CDH13: variants seen among roughly 807,000 people sequenced by gnomAD.
The protein encoded by CDH13 is cadherin 13, also known as cadherin-13.
In CDH13, 24 loss-of-function variants were observed where a neutral mutation model predicts 63.8. The ratio of observed to expected loss-of-function variants is 0.38; its 90% confidence interval spans 0.27 to 0.53. The LOEUF (loss-of-function observed/expected upper bound fraction) is 0.53. Among genes scored for constraint, CDH13 ranks in the 20% least tolerant of loss-of-function variants. The pLI, the probability that CDH13 is intolerant of heterozygous loss-of-function variation, is 0.85. For synonymous variants in CDH13, 503 were observed against 355.3 expected (o/e 1.42, Z -4.67); for missense variants, 1,049 against 903.1 (o/e 1.16, Z -2.07).
At chr16:83,699,430 G>A (rs1905878042) in intron 10 of CDH13, among the ~76,000 whole-genome samples, 1 of 152,210 alleles carries the variant, frequency 6.6e-6, no homozygotes, top group African/African-American at 2.4e-5. Flanking sequence ...CCCCGTAGCA[G>A]CCCAGAGGCT....
intron 4 of CDH13, among the ~76,000 whole-genome samples, chr16:83,133,590 C>T (rs76552353): frequency 0.021 from 3,201 of 152,194 alleles, 212 homozygotes; most frequent in Admixed American, 0.14. Flanking sequence ...CCTCTGCCTC[C>T]GGGGTTCAAG....
rs556623919 is a variant in CDH13 at position 83,553,578 on chromosome 16, A to G, written c.961-48876A>G. 2.6e-5 allele frequency among the ~76,000 whole-genome samples: 4 copies of G among 152,238 alleles called. No individual in the cohort carries two copies. In the South Asian group the frequency reaches 6.2e-4, roughly 24 times the overall value. On this transcript the variant is annotated intron_variant, in intron 7 of 13. Coordinates refer to ENST00000567109, the MANE Select transcript of CDH13 (RefSeq NM_001257.5). ...TGTTGTTGTTGTATTTTTTTCTCAG[A>G]TGGAGTATCGCTCTGTCGCCCAGGC...
Position 83,047,388 on chromosome 16 carries a change from T to C in CDH13, c.366+15170T>C, listed in dbSNP as rs992235226. 1.3e-4 allele frequency among the ~76,000 whole-genome samples: 20 copies of C among 152,198 alleles called. No homozygotes were observed. The highest frequency in any genetic ancestry group is 1.2e-3 in the Admixed American group (19 of 15,280). ...GACTTGAGTGCTTTTTTATTCCAAG[T>C]CCCTTATTCGATTTGGCCCTTGTTA... On this transcript the variant is annotated intron_variant, in intron 3 of 13. Transcript: ENST00000567109. This position sits in a 1 kb window ranked among gnomAD's most constrained non-coding sequence, Gnocchi z 4.9.
rs192067955 is a variant in CDH13 at position 83,047,408 on chromosome 16, T to C, written c.366+15190T>C. ...CCAAGTCCCTTATTCGATTTGGCCC[T>C]TGTTAACAAAGCCTAGTCTGTAAGA... On this transcript the variant is annotated intron_variant, in intron 3 of 13. Transcript: ENST00000567109. This position sits in a 1 kb window ranked among gnomAD's most constrained non-coding sequence, Gnocchi z 4.9. 5.8e-4 allele frequency among the ~76,000 whole-genome samples: 88 copies of C among 152,338 alleles called. No individual in the cohort carries two copies. The highest frequency in any genetic ancestry group is 2.1e-3 in the African/African-American group (86 of 41,580).
At chr16:83,046,093 T>G (rs555854210) in intron 3 of CDH13, among the ~76,000 whole-genome samples, 7 of 152,238 alleles carry the variant, frequency 4.6e-5, no homozygotes, top group Non-Finnish European at 1.0e-4. Context: ...AAGTCTAGTC[T>G]CAAGGCCTAA....
intron 2 of CDH13, among the ~76,000 whole-genome samples, chr16:82,867,069 C>G (rs777854458): frequency 2.0e-4 from 30 of 152,150 alleles, no homozygotes; most frequent in Non-Finnish European, 3.7e-4. Flanking sequence ...TGTGTGCTCC[C>G]TAGTGTGTTG....
At chr16:83,439,309 C>A (rs535072180) in intron 6 of CDH13, among the ~76,000 whole-genome samples, 2 of 152,162 alleles carry the variant, frequency 1.3e-5, no homozygotes, top group Non-Finnish European at 2.9e-5. Flanking sequence ...TGCCCTTCAG[C>A]CAAAGAGCAC....
At chr16:82,763,775 C>T (rs965318896) in intron 1 of CDH13, among the ~76,000 whole-genome samples, 1 of 152,192 alleles carries the variant, frequency 6.6e-6, no homozygotes, top group African/African-American at 2.4e-5. Context: ...CTCCTCTGCC[C>T]AGGCTCAGGT....
At chr16:83,084,341 C>G (rs1462459659) in intron 3 of CDH13, among the ~76,000 whole-genome samples, 1 of 152,086 alleles carries the variant, frequency 6.6e-6, no homozygotes, top group Non-Finnish European at 1.5e-5. Context: ...TCTTGTGTCC[C>G]TTTTTACGTT....
At chr16:82,978,904 G>A (rs911824531) in intron 2 of CDH13, among the ~76,000 whole-genome samples, 7 of 151,884 alleles carry the variant, frequency 4.6e-5, no homozygotes, top group African/African-American at 1.7e-4. Flanking sequence ...CATGCACCTG[G>A]AAAAGCCACA....
intron 5 of CDH13, among the ~76,000 whole-genome samples, chr16:83,239,353 A>G (rs568023538): frequency 3.3e-5 from 5 of 152,302 alleles, no homozygotes; most frequent in African/African-American, 1.2e-4. Flanking sequence ...GAGAGGGGAA[A>G]GCCCTTTCTA....
At chr16:83,614,651 T>C (rs1909137259) in intron 8 of CDH13, among the ~76,000 whole-genome samples, 2 of 152,316 alleles carry the variant, frequency 1.3e-5, no homozygotes, top group South Asian at 2.1e-4. Flanking sequence ...ATCCATATCC[T>C]GGTTGTTCTA....
chr16:83,075,784 C>G (rs193040835), intron 3 of CDH13, among the ~76,000 whole-genome samples: 1 of 152,298 alleles, frequency 6.6e-6, no homozygotes, highest in East Asian at 1.9e-4. Flanking sequence ...CCCTGTGCTT[C>G]TGGTGAAGCT....
chr16:83,292,251 C>G (rs1054921613), intron 5 of CDH13, among the ~76,000 whole-genome samples: 2 of 152,176 alleles, frequency 1.3e-5, no homozygotes, highest in East Asian at 3.8e-4. Flanking sequence ...GGTACTTTCT[C>G]CTTTGCACAG....
At chr16:83,382,176 G>T (rs1597879643) in intron 6 of CDH13, among the ~76,000 whole-genome samples, 2 of 152,138 alleles carry the variant, frequency 1.3e-5, no homozygotes, top group African/African-American at 4.8e-5. Flanking sequence ...CCACCATAGG[G>T]ATGATTTGAG....
rs191970501 is a variant in CDH13, at chr16:82,958,717, C to T, written c.158-73293C>T. 2.4e-3 allele frequency among the ~76,000 whole-genome samples: 372 copies of T among 152,310 alleles called. 2 individuals are homozygous for T. Among genetic ancestry groups the T allele is most frequent in the African/African-American group, 7.9e-3 (328 of 41,580 alleles). ...GTCACTTGACCCAGGAGGCACCAGC[C>T]GCAGGTCACAGGCTCCATTGTCTTC... On this transcript the variant is annotated intron_variant, in intron 2 of 13. Transcript: ENST00000567109.
At chr16:83,143,157 A>G (rs1456412082) in intron 4 of CDH13, among the ~76,000 whole-genome samples, 1 of 152,198 alleles carries the variant, frequency 6.6e-6, no homozygotes, top group African/African-American at 2.4e-5. Flanking sequence ...CTCTACCCCT[A>G]TCTTACATGC....
At chr16:82,742,577 T>C (rs931912398) in intron 1 of CDH13, among the ~76,000 whole-genome samples, 10 of 152,168 alleles carry the variant, frequency 6.6e-5, no homozygotes, top group African/African-American at 2.4e-4. Flanking sequence ...CTGAAATGAA[T>C]TTTCTAAATA....
At chr16:82,829,574 G>A (rs968668505) in intron 1 of CDH13, 2 of 152,154 alleles carry the variant, frequency 1.3e-5, no homozygotes, top group Non-Finnish European at 2.9e-5. Flanking sequence ...GAAAGGGAAA[G>A]AGGGGGAAAC....
Sources: allele counts gnomAD v4.1 joint callset (sites outside exome capture counted in the v4.1 genomes callset), GRCh38; gene constraint gnomAD v4.1.1; non-coding constraint Gnocchi (gnomAD v3.1); transcripts MANE v1.5; gene names NCBI Gene and HGNC (gene_info 2026-07-23, HGNC 2026-07-21).